SDK2: variants seen among roughly 807,000 people sequenced by gnomAD.
SDK2 encodes protein sidekick-2.
In SDK2, 105 loss-of-function variants were observed where a neutral mutation model predicts 253.9. The ratio of observed to expected loss-of-function variants is 0.41; its 90% confidence interval spans 0.35 to 0.49. The LOEUF (loss-of-function observed/expected upper bound fraction) is 0.49, where lower values mean the gene tolerates loss of function less well. Among genes scored for constraint, SDK2 ranks in the 20% least tolerant of loss-of-function variants. The pLI, the probability that SDK2 is intolerant of heterozygous loss-of-function variation, is 0.06. For missense variants in SDK2, 2,608 were observed against 3,003.0 expected (o/e 0.87, Z 3.07); for synonymous variants, 1,249 against 1,234.9 (o/e 1.01, Z -0.24).
chr17:73,397,367 G>T (rs2062979465), intron 24 of SDK2, among the ~76,000 whole-genome samples: 1 of 152,222 alleles, frequency 6.6e-6, no homozygotes, highest in Admixed American at 6.5e-5. Context: ...CTGTGGACTT[G>T]CGGGTAAAGA....
intron 1 of SDK2, among the ~76,000 whole-genome samples, chr17:73,553,002 T>C (rs754790030): frequency 1.8e-4 from 27 of 152,170 alleles, no homozygotes; most frequent in Non-Finnish European, 3.4e-4. Flanking sequence ...ATCCCAACCC[T>C]TTGGGATTGG....
chr17:73,455,096 C>T lies in SDK2; in HGVS notation c.479+810G>A, dbSNP rs56252032. Among the ~76,000 whole-genome samples the T allele has an allele frequency of 0.34, 50,963 of 151,936 alleles. 8,994 individuals are homozygous for T. The highest frequency in any genetic ancestry group is 0.39 in the Non-Finnish European group (26,610 of 67,930). On this transcript the variant is annotated intron_variant, in intron 4 of 44. Coordinates refer to ENST00000392650, the MANE Select transcript of SDK2 (RefSeq NM_001144952.2). This position sits in a 1 kb window ranked among gnomAD's most constrained non-coding sequence, Gnocchi z 5.0. Reference sequence around the variant, plus strand: ...CCCAAAGGCAGGAACCATCCATCTACGCCTCCACTCTCTACAGAGACCAGG... The same window carrying T: ...CCCAAAGGCAGGAACCATCCATCTATGCCTCCACTCTCTACAGAGACCAGG...
At chr17:73,365,854 CGG>C (rs2062680171) in intron 37 of SDK2, among the ~76,000 whole-genome samples, 2 of 152,136 alleles carry the variant, frequency 1.3e-5, no homozygotes, top group African/African-American at 4.8e-5. Flanking sequence ...CCACAGCAGA[CGG>C]AGATGGCCTT....
In SDK2 at chr17:73,403,901, TTTTAA is replaced by T. The variant is rs141388540; in HGVS notation, c.2485-1765_2485-1761del. 6.8e-3 allele frequency among the ~76,000 whole-genome samples: 1,034 copies of T among 152,346 alleles called. 4 individuals carry two copies. The highest frequency in any genetic ancestry group is 0.012 in the Non-Finnish European group (802 of 68,028). ...AGTAGATTAAGAAACAAGTTTAATG[TTTTAA>T]TTTAATTTAATTAATGTACATTCAA... On this transcript the variant is annotated intron_variant, in intron 18 of 44. Coordinates refer to ENST00000392650, the MANE Select transcript of SDK2 (RefSeq NM_001144952.2).
Position 73,358,192 on chromosome 17 carries a change from G to A in SDK2, c.5480C>T (p.Pro1827Leu), listed in dbSNP as rs1187620267. Reference sequence around the variant, plus strand: ...CCGCACGATGATGGGCACGCCAGGCGGTCCTGGGGCACCTGCAGACAGCAC... The same window carrying A: ...CCGCACGATGATGGGCACGCCAGGCAGTCCTGGGGCACCTGCAGACAGCAC... ...TTGPGEGAPG[P>L]PGVPIIVRYS... is the part of the protein sequence containing the mutation. The change falls in exon 40 of 45, where the codon CCG becomes CTG. Residue 1827 changes from proline to leucine, a missense_variant. Transcript: ENST00000392650. The A allele has an allele frequency of 5.0e-6, 8 of 1,604,268 alleles. No homozygotes were observed. Among genetic ancestry groups the A allele is most frequent in the Non-Finnish European group, 6.8e-6 (8 of 1,177,272 alleles).
intron 1 of SDK2, among the ~76,000 whole-genome samples, chr17:73,623,354 CT>C (rs1277138659): frequency 1.3e-5 from 2 of 152,134 alleles, no homozygotes; most frequent in Admixed American, 1.3e-4. Context: ...CAGTCTGGCT[CT>C]GGGGTTCCCC....
At chr17:73,472,040 A>G (rs962069495) in intron 3 of SDK2, 72 bp downstream of exon 3, 2 of 1,129,432 alleles carry the variant, frequency 1.8e-6, no homozygotes, top group Non-Finnish European at 2.6e-6. Flanking sequence ...GGCTCTGCCC[A>G]GGATGTGGCT....
In SDK2 at chr17:73,352,495, G is replaced by A. The variant is rs2062547582; in HGVS notation, c.5736C>T (p.Ser1912=). The A allele has an allele frequency of 6.2e-7, 1 of 1,613,518 alleles. No homozygotes were observed. Among genetic ancestry groups the A allele is most frequent in the Non-Finnish European group, 8.5e-7 (1 of 1,179,738 alleles). The change falls in exon 41 of 45, where the codon AGC becomes AGT. Residue 1912 remains serine, a synonymous_variant. Coordinates refer to ENST00000392650, the MANE Select transcript of SDK2 (RefSeq NM_001144952.2). The surrounding 1 kb of genome is among the most constrained non-coding windows in gnomAD (Gnocchi z 4.1). The stretch of plus-strand genomic sequence containing the variant: ...TACCTGGCACAGACTGGGAGGGGCT[G>A]CTGGGGGTGCCGAAACCATAGTCGT... The part of the protein sequence containing the change: ...AVNDYGFGTP[S]SPSQSVPAQK...
rs191106010 is a variant in SDK2 at position 73,354,857 on chromosome 17, G to A, written c.5594-2220C>T. On this transcript the variant is annotated intron_variant, in intron 40 of 44. Transcript: ENST00000392650. The stretch of plus-strand genomic sequence containing the variant: ...CCAGAGGTGTGCCCAGTTCAAGGCC[G>A]CCCTTCCCCAGGGCTGATGGTTTTG... 3.5e-3 allele frequency among the ~76,000 whole-genome samples: 533 copies of A among 152,062 alleles called. 17 individuals are homozygous for A. Among genetic ancestry groups the A allele is most frequent in the Admixed American group, 0.033 (504 of 15,256 alleles).
chr17:73,600,623 C>A (rs577453340), intron 1 of SDK2, among the ~76,000 whole-genome samples: 4 of 152,178 alleles, frequency 2.6e-5, no homozygotes, highest in East Asian at 1.9e-4. Context: ...AGAGCCCCTG[C>A]CAGCTCCTCT....
At chr17:73,558,016 C>T (rs547025488) in intron 1 of SDK2, among the ~76,000 whole-genome samples, 72 of 152,350 alleles carry the variant, frequency 4.7e-4, no homozygotes, top group African/African-American at 1.1e-3. Context: ...GTTCTAGGAC[C>T]CTCCTCACCC....
At chr17:73,371,897 C>T (rs2062736850) in intron 36 of SDK2, among the ~76,000 whole-genome samples, 2 of 151,060 alleles carry the variant, frequency 1.3e-5, no homozygotes, top group Non-Finnish European at 2.9e-5. Context: ...GAGGTGGAGG[C>T]TGCAGTGAGC....
chr17:73,510,974 G>A (rs371212803), intron 1 of SDK2, among the ~76,000 whole-genome samples: 2 of 152,132 alleles, frequency 1.3e-5, no homozygotes, highest in African/African-American at 4.8e-5. Context: ...GTGCCTCCAG[G>A]GTCTTAGGCC....
At chr17:73,414,421 A>T (rs1444169325) in intron 18 of SDK2, among the ~76,000 whole-genome samples, 1 of 152,142 alleles carries the variant, frequency 6.6e-6, no homozygotes, top group East Asian at 1.9e-4. Flanking sequence ...GAAGGACCGT[A>T]GCACTGAGTG....
At chr17:73,442,348 C>CT (rs11430500) in intron 5 of SDK2, among the ~76,000 whole-genome samples, 111,013 of 147,808 alleles carry the variant, frequency 0.75, 41,713 homozygotes, top group South Asian at 0.87. Flanking sequence ...CTCATGCAGT[C>CT]TTTTTTTTTT....
In SDK2 at chr17:73,438,069, T is replaced by C; in HGVS notation, c.811A>G (p.Ile271Val). The change falls in exon 7 of 45, where the codon ATC (isoleucine) becomes GTC (valine). Residue 271 changes from isoleucine (I) to valine (V), a missense_variant. By Grantham distance (29) the Ile-to-Val change is conservative. This residue lies in a region of SDK2 where 1,505 missense variants were observed against 1,859.1 expected (regional missense o/e 0.81). Coordinates refer to ENST00000392650, the MANE Select transcript of SDK2 (RefSeq NM_001144952.2). ...GISDHNRRLT[I>V]PNPTGSDAGY... ...GCGTCACTGCCGGTGGGGTTGGGGA[T>C]GGTGAGCCGGCGGTTGTGGTCACTG... is the stretch of plus-strand genomic sequence containing the variant. The C allele has an allele frequency of 6.4e-7, 1 of 1,551,686 alleles. No individual in the cohort carries two copies. Among genetic ancestry groups the C allele is most frequent in the Middle Eastern group, 1.7e-4 (1 of 5,992 alleles).
chr17:73,630,035 G>A (rs1417516307), intron 1 of SDK2, among the ~76,000 whole-genome samples: 24 of 152,164 alleles, frequency 1.6e-4, no homozygotes, highest in Admixed American at 1.6e-3. Flanking sequence ...TCAAGTTCAT[G>A]TGTTAACTGA....
chr17:73,452,545 AGAG>A (rs368923253), intron 4 of SDK2, among the ~76,000 whole-genome samples: 15 of 152,240 alleles, frequency 9.9e-5, no homozygotes, highest in African/African-American at 3.6e-4. Context: ...GGGAATTAAA[AGAG>A]GATGAGGACA....
chr17:73,576,665 A>T (rs75157792), intron 1 of SDK2, among the ~76,000 whole-genome samples: 2,689 of 152,172 alleles, frequency 0.018, 83 homozygotes, highest in African/African-American at 0.054. Flanking sequence ...TGTAAAAGGA[A>T]CCTCGTGATC....
Sources: gnomAD v4.1 joint callset for allele counts (sites outside exome capture counted in the v4.1 genomes callset) on GRCh38, gnomAD v4.1.1 for gene constraint, gnomAD v4.1.1 regional missense constraint, Gnocchi (gnomAD v3.1) non-coding constraint, MANE v1.5 for transcripts, NCBI Gene and HGNC (gene_info 2026-07-23, HGNC 2026-07-21) for gene names.